The following DNAAF3 variants were observed in gnomAD, a reference collection of about 807,000 sequenced individuals.
The protein encoded by DNAAF3 is UPF0470 protein C19orf51.
DNAAF3 carries 40 observed loss-of-function variants against 50.9 expected under a neutral mutation model. The ratio of observed to expected loss-of-function variants is 0.79; its 90% confidence interval spans 0.61 to 1.02. DNAAF3 has a LOEUF of 1.02. DNAAF3 is among the 50% of genes least tolerant of loss of function. The probability of loss-of-function intolerance (pLI) is 0.00; values close to 1 mark genes in which losing one functional copy is unlikely to be tolerated. For missense variants in DNAAF3, 763 were observed against 744.7 expected (o/e 1.02, Z -0.29); for synonymous variants, 327 against 322.8 (o/e 1.01, Z -0.14).
At position 55,159,151 on chromosome 19, in the gene DNAAF3, A is replaced by T; in HGVS notation, c.1537T>A (p.Ser513Thr). The T allele has an allele frequency of 1.2e-6, 2 of 1,613,588 alleles. No homozygotes were observed. Among genetic ancestry groups the T allele is most frequent in the Non-Finnish European group, 1.7e-6 (2 of 1,179,982 alleles). ...AGAACCTCTGAGAGTGAACCTGGAG[A>T]CTCAGAGGGCAGCTGGCAGGGCTCA... ...HCEPCQLPSE[S>T]PGSLSEVLAQ... Residue 513 changes from serine to threonine, a missense_variant, in exon 12 of 12, where the codon TCT (serine) becomes ACT (threonine). Ser to Thr is a moderately conservative substitution (Grantham distance 58). Coordinates refer to ENST00000524407, the MANE Select transcript of DNAAF3 (RefSeq NM_001256715.2).
Position 55,166,461 on chromosome 19 carries a change from G to T in DNAAF3, c.-4-44C>A, listed in dbSNP as rs375664102. On this transcript the variant is annotated intron_variant, in intron 1 of 11. Transcript: ENST00000524407. The surrounding 1 kb of genome is among the most constrained non-coding windows in gnomAD (Gnocchi z 4.0). ...GGGAATCGCACACATTGCCCGCCCC[G>T]CTCCCCTCTCACCGCCCCTCACTTC... 2 of 1,612,302 alleles carry T rather than the reference G, an allele frequency of 1.2e-6. No homozygotes were observed.
rs952919867 is a variant in DNAAF3 at position 55,163,447 on chromosome 19, C to G, written c.323-1157G>C. Among the ~76,000 whole-genome samples, 21 of 151,790 alleles carry G rather than the reference C, an allele frequency of 1.4e-4. 1 individual carries two copies. The highest frequency in any genetic ancestry group is 1.4e-3 in the Admixed American group (21 of 15,234). On this transcript the variant is annotated intron_variant, in intron 4 of 11. Coordinates refer to ENST00000524407, the MANE Select transcript of DNAAF3 (RefSeq NM_001256715.2). ...TGCTGGGATTACAGGCGTGAGCCAC[C>G]GCGCCCGGCCAATATTTTATTTCTT...
intron 4 of DNAAF3, among the ~76,000 whole-genome samples, chr19:55,164,436 C>G (rs1440974345): frequency 6.6e-6 from 1 of 152,178 alleles, no homozygotes; most frequent in Non-Finnish European, 1.5e-5. Context: ...GAGCCAAGAT[C>G]GTGCCATTGC....
chr19:55,163,224 G>A (rs554042769), intron 4 of DNAAF3, among the ~76,000 whole-genome samples: 1 of 150,324 alleles, frequency 6.7e-6, no homozygotes, highest in South Asian at 2.1e-4. Flanking sequence ...TAGCCAGGAT[G>A]GTCTCGATCT....
At position 55,161,340 on chromosome 19, in the gene DNAAF3, A is replaced by G. The variant is rs1196723858; in HGVS notation, c.742T>C (p.Tyr248His). 2 of 1,599,798 alleles carry G rather than the reference A, an allele frequency of 1.3e-6. No individual in the cohort carries two copies. Among genetic ancestry groups the G allele is most frequent in the Admixed American group, 1.7e-5 (1 of 59,178 alleles). Residue 248 changes from tyrosine to histidine, a missense_variant, in exon 7 of 12, where the codon TAT becomes CAT. Transcript: ENST00000524407. The surrounding 1 kb of genome is among the most constrained non-coding windows in gnomAD (Gnocchi z 6.4). ...VAFELRDSSA[Y>H]HVPNRTLASG... ...GCCAGGGTCCGGTTGGGCACATGAT[A>G]GGCGCTGGAGTCCCTGAGTTCAAAG...
chr19:55,166,650 T>C (rs760874956), upstream of DNAAF3: 5 of 1,612,768 alleles, frequency 3.1e-6, no homozygotes, highest in South Asian at 3.3e-5. This position sits in a 1 kb window ranked among gnomAD's most constrained non-coding sequence, Gnocchi z 4.0. Context: ...TGGAAGCATG[T>C]GGGATGGGAC....
Position 55,161,625 on chromosome 19 carries a change from C to T in DNAAF3, c.663+18G>A. On this transcript the variant is annotated intron_variant, in intron 6 of 11. Coordinates refer to ENST00000524407, the MANE Select transcript of DNAAF3 (RefSeq NM_001256715.2). This position sits in a 1 kb window ranked among gnomAD's most constrained non-coding sequence, Gnocchi z 6.4. ...ACCCAGGGGTCCAGGCCCCCAGCCC[C>T]TCTCCTGGGCCCCTCACCCCGCGGT... is the stretch of plus-strand genomic sequence containing the variant. 3 of 1,527,858 alleles carry T rather than the reference C, an allele frequency of 2.0e-6. No homozygotes were observed. Among genetic ancestry groups the T allele is most frequent in the East Asian group, 2.5e-5 (1 of 40,582 alleles). The allele number at this position is 1,527,858 out of a possible 1,614,324, so 94.6% of individuals were successfully genotyped here. A position where few individuals can be genotyped will look rare whatever the true frequency, so the allele number is the denominator to read the frequency against.
rs1269798624 is a variant in DNAAF3, at chr19:55,166,304, T to C, written c.85+25A>G. ...TCAGGCTGGGAAGGCAGACGGTGTATCAGACCTTGCGTGCTGGGACTCACT... is the reference window on the plus strand; with the variant it reads ...TCAGGCTGGGAAGGCAGACGGTGTACCAGACCTTGCGTGCTGGGACTCACT... On this transcript the variant is annotated intron_variant, in intron 2 of 11. Transcript: ENST00000524407. The surrounding 1 kb of genome is among the most constrained non-coding windows in gnomAD (Gnocchi z 4.0). 6.2e-7 allele frequency: 1 copy of C among 1,611,328 alleles called. No homozygotes were observed. The highest frequency in any genetic ancestry group is 8.5e-7 in the Non-Finnish European group (1 of 1,178,620).
Position 55,166,369 on chromosome 19 carries a change from G to C in DNAAF3, c.45C>G (p.Ser15=). 6.2e-7 allele frequency: 1 copy of C among 1,613,866 alleles called. No individual in the cohort carries two copies. The highest frequency in any genetic ancestry group is 2.2e-5 in the East Asian group (1 of 44,880). The stretch of plus-strand genomic sequence containing the variant: ...CCAGCGCCGGGGACAGGCCCCACCA[G>C]GACACGGAGCCGAAGCCGCTGCCGG... ...AGSGSGFGSV[S]WWGLSPALDL... is the part of the protein sequence containing the mutation. Residue 15 remains serine (S), a synonymous_variant, in exon 2 of 12, where the codon TCC becomes TCG. Transcript: ENST00000524407. This position sits in a 1 kb window ranked among gnomAD's most constrained non-coding sequence, Gnocchi z 4.0.
rs2147289363 is a variant in DNAAF3 at position 55,158,920 on chromosome 19, CGGG to C, written c.*139_*141del. 1 of 864,846 alleles carries C rather than the reference CGGG, an allele frequency of 1.2e-6. No individual in the cohort carries two copies. The highest frequency in any genetic ancestry group is 2.0e-5 in the South Asian group (1 of 49,218). The allele number at this position is 864,846 out of a possible 1,614,324, so 53.6% of individuals were successfully genotyped here. On this transcript the variant is annotated 3_prime_UTR_variant, in exon 12 of 12. Coordinates refer to ENST00000524407, the MANE Select transcript of DNAAF3 (RefSeq NM_001256715.2). ...GAATTTGAAAGTCTACCAACACTCC[CGGG>C]GTGGGGGTGGCGGGTACTGAGTGGG...
chr19:55,162,299 A>T lies in DNAAF3; in HGVS notation c.323-9T>A. The T allele has an allele frequency of 1.6e-6, 2 of 1,249,948 alleles. No individual in the cohort carries two copies. Among genetic ancestry groups the T allele is most frequent in the Non-Finnish European group, 1.0e-6 (1 of 988,618 alleles). 77.4% of individuals were successfully genotyped at this position (1,249,948 alleles called of 1,614,324 possible). ...GAAGGTCTCGCTTCGCTCTACGGAG[A>T]GAGGGAGATAATTGCGGGAATGTGT... On this transcript the variant is annotated splice_polypyrimidine_tract_variant and intron_variant, in intron 4 of 11. Transcript: ENST00000524407.
Position 55,166,191 on chromosome 19 carries a change from G to A in DNAAF3, c.85+138C>T. 6.5e-7 allele frequency: 1 copy of A among 1,548,002 alleles called. No individual in the cohort carries two copies. Among genetic ancestry groups the A allele is most frequent in the Non-Finnish European group, 8.7e-7 (1 of 1,147,054 alleles). ...CAGGACCTCGGGGCTGCCCCTGGGA[G>A]CGCGCCCTCTGCCGCTGGAGCGTTG... On this transcript the variant is annotated intron_variant, in intron 2 of 11. Coordinates refer to ENST00000524407, the MANE Select transcript of DNAAF3 (RefSeq NM_001256715.2). This position sits in a 1 kb window ranked among gnomAD's most constrained non-coding sequence, Gnocchi z 4.0.
In DNAAF3 at chr19:55,166,180, T is replaced by C. The variant is rs2085935653; in HGVS notation, c.85+149A>G. On this transcript the variant is annotated intron_variant, in intron 2 of 11. Transcript: ENST00000524407. The surrounding 1 kb of genome is among the most constrained non-coding windows in gnomAD (Gnocchi z 4.0). ...CAGTCCGCAGACAGGACCTCGGGGC[T>C]GCCCCTGGGAGCGCGCCCTCTGCCG... is the stretch of plus-strand genomic sequence containing the variant. 4 of 1,549,028 alleles carry C rather than the reference T, an allele frequency of 2.6e-6. No homozygotes were observed. Among genetic ancestry groups the C allele is most frequent in the Non-Finnish European group, 3.5e-6 (4 of 1,147,874 alleles).
upstream of DNAAF3, chr19:55,166,649 G>A (rs773472641): frequency 6.2e-7 from 1 of 1,612,890 alleles, no homozygotes; most frequent in Non-Finnish European, 8.5e-7. The surrounding 1 kb of genome is among the most constrained non-coding windows in gnomAD (Gnocchi z 4.0). Context: ...ATGGAAGCAT[G>A]TGGGATGGGA....
chr19:55,166,177 G>T lies in DNAAF3; in HGVS notation c.85+152C>A, dbSNP rs986750158. Reference sequence around the variant, plus strand: ...TCGCAGTCCGCAGACAGGACCTCGGGGCTGCCCCTGGGAGCGCGCCCTCTG... The same window carrying T: ...TCGCAGTCCGCAGACAGGACCTCGGTGCTGCCCCTGGGAGCGCGCCCTCTG... On this transcript the variant is annotated intron_variant, in intron 2 of 11. Transcript: ENST00000524407. This position sits in a 1 kb window ranked among gnomAD's most constrained non-coding sequence, Gnocchi z 4.0. 4 of 1,549,176 alleles carry T rather than the reference G, an allele frequency of 2.6e-6. No individual in the cohort carries two copies. The highest frequency in any genetic ancestry group is 1.4e-5 in the African/African-American group (1 of 73,030).
chr19:55,162,708 T>G (rs1027191858), intron 4 of DNAAF3: 23 of 978,922 alleles, frequency 2.3e-5, no homozygotes, highest in Admixed American at 6.1e-5. Context: ...TAATACAAAT[T>G]GTAAAATATG....
Position 55,161,666 on chromosome 19 carries a change from G to T in DNAAF3, c.640C>A (p.Arg214Ser). The change falls in exon 6 of 12, where the codon CGC becomes AGC. Residue 214 changes from arginine (R) to serine (S), a missense_variant. Physicochemically the swap from Arg to Ser is moderately radical, Grantham distance 110. Transcript: ENST00000524407. This position sits in a 1 kb window ranked among gnomAD's most constrained non-coding sequence, Gnocchi z 6.4. ...ARRGVSDWDLRMKLHDRGAQV... is the reference protein window; with the variant it reads ...ARRGVSDWDLSMKLHDRGAQV... ...ACCCCGCGGTCATGCAGCTTCATGC[G>T]CAGGTCCCAGTCGCTGACACCGCGC... The T allele has an allele frequency of 1.3e-6, 2 of 1,538,836 alleles. No homozygotes were observed. Among genetic ancestry groups the T allele is most frequent in the South Asian group, 1.2e-5 (1 of 83,902 alleles).
At position 55,162,433 on chromosome 19, in the gene DNAAF3, A is replaced by G. The variant is rs1043177207; in HGVS notation, c.323-143T>C. ...CCCACGCATCCCAAAAACTACATGAAGAACAGGGCCGGACATGGTGGCGGG... is the reference window on the plus strand; with the variant it reads ...CCCACGCATCCCAAAAACTACATGAGGAACAGGGCCGGACATGGTGGCGGG... On this transcript the variant is annotated intron_variant, in intron 4 of 11. Coordinates refer to ENST00000524407, the MANE Select transcript of DNAAF3 (RefSeq NM_001256715.2). 15 of 1,020,600 alleles carry G rather than the reference A, an allele frequency of 1.5e-5. No individual in the cohort carries two copies. In the African/African-American group the frequency reaches 1.8e-4, roughly 12 times the overall value. The allele number at this position is 1,020,600 out of a possible 1,614,324, so 63.2% of individuals were successfully genotyped here. A position where few individuals can be genotyped will look rare whatever the true frequency, so the allele number is the denominator to read the frequency against.
rs1024297021 is a variant in DNAAF3, at chr19:55,161,187, G to A, written c.790C>T (p.Arg264Cys). Residue 264 changes from arginine (R) to cysteine (C), a missense_variant and splice_region_variant, in exon 8 of 12, where the codon CGT becomes TGT. Arg to Cys is a radical substitution (Grantham distance 180, BLOSUM62 -3). Transcript: ENST00000524407. This position sits in a 1 kb window ranked among gnomAD's most constrained non-coding sequence, Gnocchi z 6.4. ...TLASGRLLSY[R>C]GERVAARGYW... ...CCGCGCGCTGCCACGCGCTCCCCAC[G>A]CTGGAAAAGGAGGGAGAGAGGAGGC... 6.3e-7 allele frequency: 1 copy of A among 1,575,924 alleles called. No individual in the cohort carries two copies. Among genetic ancestry groups the A allele is most frequent in the Non-Finnish European group, 8.6e-7 (1 of 1,160,644 alleles).
Sources: gnomAD v4.1 joint callset for allele counts (sites outside exome capture counted in the v4.1 genomes callset) on GRCh38, gnomAD v4.1.1 for gene constraint, Gnocchi (gnomAD v3.1) non-coding constraint, MANE v1.5 for transcripts, NCBI Gene and HGNC (gene_info 2026-07-23, HGNC 2026-07-21) for gene names.